Variants in DTNA observed in about 807,000 individuals in gnomAD.
DTNA encodes the protein dystrobrevin alpha.
A neutral mutation model predicts 100.7 loss-of-function variants in DTNA; 43 were observed. That is an observed-to-expected ratio of 0.43 (90% CI 0.33 to 0.55). The LOEUF (loss-of-function observed/expected upper bound fraction) is 0.55, where lower values mean the gene tolerates loss of function less well. Among genes scored for constraint, DTNA ranks in the 20% least tolerant of loss-of-function variants. The pLI, the probability that DTNA is intolerant of heterozygous loss-of-function variation, is 0.04. For missense variants in DTNA, 798 were observed against 953.9 expected (o/e 0.84, Z 2.15); for synonymous variants, 349 against 347.9 (o/e 1.00, Z -0.04).
At chr18:34,631,160 A>T (rs2058035047) in intron 1 of DTNA, among the ~76,000 whole-genome samples, 1 of 152,232 alleles carries the variant, frequency 6.6e-6, no homozygotes, top group African/African-American at 2.4e-5. Context: ...GGTTTAAAGC[A>T]CACGTAGCGC....
chr18:34,498,044 G>GC (rs1296615910), intron 1 of DTNA, among the ~76,000 whole-genome samples: 15 of 152,246 alleles, frequency 9.9e-5, no homozygotes, highest in African/African-American at 3.1e-4. Flanking sequence ...ACTTTGGGAG[G>GC]CCAAGGTGGA....
chr18:34,493,780 C>G (rs1329933724), intron 1 of DTNA: 3 of 148,866 alleles, frequency 2.0e-5, no homozygotes, highest in Non-Finnish European at 3.0e-5. Flanking sequence ...GCGCACCGAG[C>G]AAAGTCAAGA....
In DTNA at chr18:34,890,313, C is replaced by T. The variant is rs794729008; in HGVS notation, c.*2579C>T. 6.5e-7 allele frequency: 1 copy of T among 1,536,084 alleles called. No homozygotes were observed. Among genetic ancestry groups the T allele is most frequent in the Non-Finnish European group, 8.7e-7 (1 of 1,146,884 alleles). Reference sequence around the variant, plus strand: ...TCTCTCTCTTAGCTCCACGTCAGCACTGAGACCAGACTCGAGCACCCCTGT... The same window carrying T: ...TCTCTCTCTTAGCTCCACGTCAGCATTGAGACCAGACTCGAGCACCCCTGT... On this transcript the variant is annotated 3_prime_UTR_variant, in exon 23 of 23. Coordinates refer to ENST00000444659, the MANE Select transcript of DTNA (RefSeq NM_001386795.1).
rs571812585 is a variant in DTNA, at chr18:34,876,932, T to C, written c.1904-787T>C. On this transcript the variant is annotated intron_variant, in intron 18 of 22. Transcript: ENST00000444659. ...ATAATTAATGTTTTTACTTAACTAC[T>C]CTGATTTTTTTAATTTAAACATTTA... 3.9e-5 allele frequency among the ~76,000 whole-genome samples: 6 copies of C among 152,366 alleles called. No individual in the cohort carries two copies. The East Asian group carries it at 1.2e-3, about 29-fold the overall frequency.
chr18:34,834,966 A>G (rs938432284), intron 11 of DTNA, among the ~76,000 whole-genome samples: 1 of 152,208 alleles, frequency 6.6e-6, no homozygotes, highest in Non-Finnish European at 1.5e-5. Flanking sequence ...TTCTGGTGGA[A>G]AGTACTTCAA....
chr18:34,649,438 C>T (rs1268747433), intron 1 of DTNA, among the ~76,000 whole-genome samples: 12 of 152,110 alleles, frequency 7.9e-5, no homozygotes, highest in Admixed American at 5.2e-4. Flanking sequence ...CCTCCCTCAA[C>T]CTAAAGATAG....
rs774490733 is a variant in DTNA at position 34,806,985 on chromosome 18, G to A, written c.448+681G>A. ...ACTCAGTTAACCATATGGCTAAGAC[G>A]ATGCCAGGATTTGAACCCTGACTTT... On this transcript the variant is annotated intron_variant, in intron 5 of 22. Coordinates refer to ENST00000444659, the MANE Select transcript of DTNA (RefSeq NM_001386795.1). Among the ~76,000 whole-genome samples, 5 of 152,212 alleles carry A rather than the reference G, an allele frequency of 3.3e-5. No homozygotes were observed. The South Asian group carries it at 8.3e-4, about 25-fold the overall frequency.
At chr18:34,866,264 C>T in intron 17 of DTNA, 1 of 1,576,054 alleles carries the variant, frequency 6.3e-7, no homozygotes, top group Non-Finnish European at 8.6e-7. Context: ...TACTAATTTG[C>T]TTCTTTTTCA....
At chr18:34,507,121 C>T (rs1055639172) in intron 1 of DTNA, among the ~76,000 whole-genome samples, 4 of 152,204 alleles carry the variant, frequency 2.6e-5, no homozygotes, top group East Asian at 1.9e-4. Flanking sequence ...CAGGCAGGTA[C>T]CCTTACTCCC....
chr18:34,514,972 A>C (rs1300347078), intron 1 of DTNA, among the ~76,000 whole-genome samples: 1 of 151,928 alleles, frequency 6.6e-6, no homozygotes, highest in African/African-American at 2.4e-5. Flanking sequence ...CTGGCCTTGA[A>C]ATTTTGCAGT....
intron 8 of DTNA, 60 bp from the exon 9 acceptor site, chr18:34,820,731 T>C (rs1257863377): frequency 6.2e-7 from 1 of 1,610,258 alleles, no homozygotes; most frequent in East Asian, 2.2e-5. Context: ...AGCAAATCAT[T>C]TGATAAAATA....
intron 9 of DTNA, among the ~76,000 whole-genome samples, chr18:34,824,952 AATT>A (rs1470501791): frequency 1.5e-5 from 2 of 136,072 alleles, no homozygotes; most frequent in Non-Finnish European, 3.1e-5. Flanking sequence ...AAAAAAAAAA[AATT>A]AAATCAATAG....
chr18:34,710,626 C>CT (rs1257071606), intron 1 of DTNA, among the ~76,000 whole-genome samples, 181 bp downstream of exon 1: 1 of 151,226 alleles, frequency 6.6e-6, no homozygotes, highest in Non-Finnish European at 1.5e-5. Flanking sequence ...ATTTGAAAGT[C>CT]TAAGATGTTG....
chr18:34,596,676 C>T (rs984562820), intron 1 of DTNA, among the ~76,000 whole-genome samples: 10 of 152,162 alleles, frequency 6.6e-5, no homozygotes, highest in Admixed American at 1.3e-4. Context: ...TTACACTCTT[C>T]GTTCTAGAGA....
chr18:34,802,728 C>T (rs1489541989), intron 4 of DTNA, among the ~76,000 whole-genome samples: 2 of 152,142 alleles, frequency 1.3e-5, no homozygotes, highest in Non-Finnish European at 2.9e-5. Flanking sequence ...CTCACAGTCT[C>T]TATAATTTAT....
chr18:34,495,253 TCTAA>T (rs2039061820), intron 1 of DTNA, among the ~76,000 whole-genome samples: 1 of 152,240 alleles, frequency 6.6e-6, no homozygotes, highest in African/African-American at 2.4e-5. Context: ...TTTTTCTTCT[TCTAA>T]CTTTCAATAC....
chr18:34,792,070 G>A (rs1568536873), intron 3 of DTNA, among the ~76,000 whole-genome samples: 1 of 143,670 alleles, frequency 7.0e-6, no homozygotes, highest in Non-Finnish European at 1.5e-5. Flanking sequence ...AAAGGACACA[G>A]TAACGGTTCT....
At chr18:34,880,184 C>G (rs914628683) in intron 20 of DTNA, among the ~76,000 whole-genome samples, 2 of 152,170 alleles carry the variant, frequency 1.3e-5, no homozygotes, top group African/African-American at 4.8e-5. Context: ...TGTATAAAAT[C>G]TCATTATAAA....
Position 34,774,398 on chromosome 18 carries a change from G to A in DTNA, c.148+8357G>A, listed in dbSNP as rs574647536. Among the ~76,000 whole-genome samples, 4 of 152,332 alleles carry A rather than the reference G, an allele frequency of 2.6e-5. No homozygotes were observed. In the South Asian group the frequency reaches 8.3e-4, roughly 32 times the overall value. ...AGAAGTCAGTCGGGAGGACAGGGAT[G>A]GGAGAGCAGCTTCTCCCATGAAATC... On this transcript the variant is annotated intron_variant, in intron 3 of 22. Coordinates refer to ENST00000444659, the MANE Select transcript of DTNA (RefSeq NM_001386795.1).
Sources: allele counts gnomAD v4.1 joint callset (sites outside exome capture counted in the v4.1 genomes callset), GRCh38; gene constraint gnomAD v4.1.1; transcripts MANE v1.5; gene names NCBI Gene and HGNC (gene_info 2026-07-23, HGNC 2026-07-21).